MFN2: variants seen among roughly 807,000 people sequenced by gnomAD.
The protein encoded by MFN2 is mitofusin-2.
In MFN2, 43 loss-of-function variants were observed where a neutral mutation model predicts 87.5. The ratio of observed to expected loss-of-function variants is 0.49; its 90% CI spans 0.38 to 0.63. The LOEUF (loss-of-function observed/expected upper bound fraction) is 0.63. MFN2 is among the 30% of genes least tolerant of loss of function. MFN2 has a pLI of 0.00. For synonymous variants in MFN2, 337 were observed against 359.9 expected (o/e 0.94, Z 0.72); for missense variants, 743 against 972.8 (o/e 0.76, Z 3.14).
chr1:11,997,060 A>G (rs1638942160), intron 5 of MFN2, among the ~76,000 whole-genome samples: 2 of 150,462 alleles, frequency 1.3e-5, no homozygotes, highest in East Asian at 1.9e-4. Context: ...AAAAAAAAGA[A>G]TCAATCAGTG....
chr1:11,994,314 C>G (rs1638817656), intron 4 of MFN2, among the ~76,000 whole-genome samples: 1 of 152,198 alleles, frequency 6.6e-6, no homozygotes, highest in African/African-American at 2.4e-5. Flanking sequence ...AATGACCAGG[C>G]ACGGTGGCTC....
At chr1:12,009,546 T>A in intron 17 of MFN2, 46 bp from the exon 18 acceptor site, 1 of 1,613,910 alleles carries the variant, frequency 6.2e-7, no homozygotes, top group Non-Finnish European at 8.5e-7. Flanking sequence ...ACCAGTGGCA[T>A]CTTGCTCCAC....
intron 8 of MFN2, among the ~76,000 whole-genome samples, chr1:12,000,939 T>G (rs1639143373): frequency 6.6e-6 from 1 of 152,174 alleles, no homozygotes; most frequent in South Asian, 2.1e-4. Context: ...CTGGGAAACT[T>G]GGTGGTGAGA....
intron 17 of MFN2, among the ~76,000 whole-genome samples, chr1:12,008,505 C>T (rs1442517296): frequency 1.3e-5 from 2 of 151,832 alleles, no homozygotes; most frequent in Non-Finnish European, 2.9e-5. Context: ...GGCTGCTAGG[C>T]GGAGACGCTT....
rs774330626 is a variant in MFN2, at chr1:11,985,455, CTTTTTTT to C, written c.-5+3362_-5+3368del. ...CTATATCATGCCCCATCCTTGATCC[CTTTTTTT>C]TTTTTTTTTTTTTTTTTTTTAAAGA... On this transcript the variant is annotated intron_variant, in intron 2 of 18. Transcript: ENST00000235329. Among the ~76,000 whole-genome samples, 220 of 119,698 alleles carry C rather than the reference CTTTTTTT, an allele frequency of 1.8e-3. 11 individuals carry two copies. In the East Asian group the frequency reaches 0.038, roughly 21 times the overall value. The allele number at this position is 119,698 out of a possible 152,430, so 78.5% of individuals were successfully genotyped here.
chr1:12,003,533 G>A lies in MFN2; in HGVS notation c.1161-459G>A, dbSNP rs112733894. Among the ~76,000 whole-genome samples the A allele has an allele frequency of 0.016, 2,394 of 152,178 alleles. 36 individuals carry two copies. The highest frequency in any genetic ancestry group is 0.037 in the African/African-American group (1,544 of 41,504). ...TACAAAATTAGCTGGGTGTGGTGGCGCATGCCTGTAATCCCAGCTACTCGG... is the reference window on the plus strand; with the variant it reads ...TACAAAATTAGCTGGGTGTGGTGGCACATGCCTGTAATCCCAGCTACTCGG... On this transcript the variant is annotated intron_variant, in intron 11 of 18. Coordinates refer to ENST00000235329, the MANE Select transcript of MFN2 (RefSeq NM_014874.4). This position sits in a 1 kb window ranked among gnomAD's most constrained non-coding sequence, Gnocchi z 4.1.
At chr1:12,009,486 G>GC in intron 17 of MFN2, 106 bp from the exon 18 acceptor site, 1 of 1,509,598 alleles carries the variant, frequency 6.6e-7, no homozygotes, top group East Asian at 2.3e-5. Flanking sequence ...AGAGCTGCTG[G>GC]CAGGGATATA....
At position 12,011,591 on chromosome 1, in the gene MFN2, G is replaced by T; in HGVS notation, c.*26G>T. On this transcript the variant is annotated 3_prime_UTR_variant, in exon 19 of 19. Transcript: ENST00000235329. ...TGGGCACCTGAGGCGGAGTCTGCGT[G>T]GAGAGGGGCGGTGCTGCCAGCCCTA... 1 of 1,612,456 alleles carries T rather than the reference G, an allele frequency of 6.2e-7. No individual in the cohort carries two copies. The highest frequency in any genetic ancestry group is 8.5e-7 in the Non-Finnish European group (1 of 1,179,352).
In MFN2 at chr1:12,005,746, A is replaced by C; in HGVS notation, c.1531A>C (p.Ser511Arg). ...ACCCCTCCTTCCTGTGTCTGTGCGG[A>C]GTCAGATAGACATGCTGGTCCCACG... The part of the protein sequence containing the change: ...LKPLLPVSVR[S>R]QIDMLVPRQC... Residue 511 changes from serine (S) to arginine (R), a missense_variant, in exon 15 of 19, where the codon AGT (serine) becomes CGT (arginine). Transcript: ENST00000235329. 1.2e-6 allele frequency: 2 copies of C among 1,614,216 alleles called. No homozygotes were observed. The highest frequency in any genetic ancestry group is 1.7e-6 in the Non-Finnish European group (2 of 1,180,038).
intron 8 of MFN2, among the ~76,000 whole-genome samples, chr1:12,000,574 A>G (rs960421326): frequency 1.3e-5 from 2 of 152,190 alleles, no homozygotes; most frequent in Non-Finnish European, 2.9e-5. Flanking sequence ...ATGGTGTGAT[A>G]AATAGACTTG....
intron 2 of MFN2, among the ~76,000 whole-genome samples, chr1:11,986,208 C>G (rs1638398978): frequency 6.6e-6 from 1 of 152,204 alleles, no homozygotes; most frequent in African/African-American, 2.4e-5. Context: ...CTTCATGTAC[C>G]TCTTCCGGGT....
At chr1:12,000,706 C>T (rs1425890868) in intron 8 of MFN2, among the ~76,000 whole-genome samples, 1 of 152,020 alleles carries the variant, frequency 6.6e-6, no homozygotes, top group Non-Finnish European at 1.5e-5. Flanking sequence ...CTAGTGATGC[C>T]CACTCCTTTT....
chr1:12,011,705 T>A lies in MFN2; in HGVS notation c.*140T>A. On this transcript the variant is annotated 3_prime_UTR_variant, in exon 19 of 19. Transcript: ENST00000235329. The stretch of plus-strand genomic sequence containing the variant: ...TGAAGCACCCAGTCTCGTACCATTT[T>A]GAGCCCTCCAGCACTACTTATTTTC... 1 of 865,898 alleles carries A rather than the reference T, an allele frequency of 1.2e-6. No homozygotes were observed. 53.6% of individuals were successfully genotyped at this position (865,898 alleles called of 1,614,324 possible).
Position 12,004,172 on chromosome 1 carries a change from A to G in MFN2, c.1287+54A>G. 6.2e-7 allele frequency: 1 copy of G among 1,608,894 alleles called. No homozygotes were observed. Among genetic ancestry groups the G allele is most frequent in the East Asian group, 2.2e-5 (1 of 44,852 alleles). ...AAGATTTGGACTCCGAGTAGAGTCC[A>G]GAAGAAAGCAGACCTCCTCCTCTTA... On this transcript the variant is annotated intron_variant, in intron 12 of 18. Transcript: ENST00000235329. This position sits in a 1 kb window ranked among gnomAD's most constrained non-coding sequence, Gnocchi z 4.2.
chr1:12,005,735 T>C lies in MFN2; in HGVS notation c.1520T>C (p.Val507Ala), dbSNP rs764354760. 1 of 1,614,224 alleles carries C rather than the reference T, an allele frequency of 6.2e-7. No homozygotes were observed. Among genetic ancestry groups the C allele is most frequent in the South Asian group, 1.1e-5 (1 of 91,090 alleles). ...GATGGCTTGAAACCCCTCCTTCCTG[T>C]GTCTGTGCGGAGTCAGATAGACATG... ...MIDGLKPLLPVSVRSQIDMLV... is the reference protein window; with the variant it reads ...MIDGLKPLLPASVRSQIDMLV... The change falls in exon 15 of 19, where the codon GTG becomes GCG. Residue 507 changes from valine (V) to alanine (A), a missense_variant. This residue lies in a region of MFN2 where 571 missense variants were observed against 670.7 expected (regional missense o/e 0.85). Coordinates refer to ENST00000235329, the MANE Select transcript of MFN2 (RefSeq NM_014874.4).
At chr1:11,996,442 C>G in intron 5 of MFN2, 124 bp downstream of exon 5, 5 of 1,168,300 alleles carry the variant, frequency 4.3e-6, no homozygotes, top group Non-Finnish European at 6.1e-6. Flanking sequence ...ATGGGAGACC[C>G]TATTTTAGAT....
intron 2 of MFN2, among the ~76,000 whole-genome samples, chr1:11,986,329 C>T (rs1638405013): frequency 6.6e-6 from 1 of 152,124 alleles, no homozygotes; most frequent in Admixed American, 6.5e-5. Context: ...AGAGAGTGAG[C>T]TTACTGCTGG....
chr1:12,009,834 G>A lies in MFN2; in HGVS notation c.2204+108G>A. 4 of 1,530,076 alleles carry A rather than the reference G, an allele frequency of 2.6e-6. No individual in the cohort carries two copies. The South Asian group carries it at 4.5e-5, about 17-fold the overall frequency. 94.8% of individuals were successfully genotyped at this position (1,530,076 alleles called of 1,614,324 possible). A position where few individuals can be genotyped will look rare whatever the true frequency, so the allele number is the denominator to read the frequency against. On this transcript the variant is annotated intron_variant, in intron 18 of 18. Coordinates refer to ENST00000235329, the MANE Select transcript of MFN2 (RefSeq NM_014874.4). ...TTGGGTGTGGACACAAATTTTTCTG[G>A]TGGGGATTTAGCTCATTCGTGTTAG...
chr1:11,991,969 G>T (rs1403998207), intron 3 of MFN2, among the ~76,000 whole-genome samples: 1 of 143,846 alleles, frequency 7.0e-6, no homozygotes. Flanking sequence ...ACATAGAGTG[G>T]TTAAGAGCCT....
Sources: gnomAD v4.1 joint callset for allele counts (sites outside exome capture counted in the v4.1 genomes callset) on GRCh38, gnomAD v4.1.1 for gene constraint, gnomAD v4.1.1 regional missense constraint, Gnocchi (gnomAD v3.1) non-coding constraint, MANE v1.5 for transcripts, NCBI Gene and HGNC (gene_info 2026-07-23, HGNC 2026-07-21) for gene names.